IL1RL1: variants seen among roughly 807,000 people sequenced by gnomAD.
IL1RL1 encodes the protein interleukin-1 receptor-like 1.
IL1RL1 carries 32 observed loss-of-function variants against 50.9 expected under a neutral mutation model. The observed-to-expected ratio is 0.63, with a 90% CI of 0.47 to 0.84. IL1RL1 has a LOEUF of 0.84. IL1RL1 is among the 40% of genes least tolerant of loss of function. The pLI, the probability that IL1RL1 is intolerant of heterozygous loss-of-function variation, is 0.00. For missense variants in IL1RL1, 773 were observed against 662.9 expected (o/e 1.17, Z -1.82); for synonymous variants, 275 against 236.0 (o/e 1.17, Z -1.51).
chr2:102,342,988 C>G (rs770481705), intron 6 of IL1RL1, 48 bp from the exon 7 acceptor site: 1 of 1,576,706 alleles, frequency 6.3e-7, no homozygotes, highest in South Asian at 1.2e-5. Context: ...GATAAAATGC[C>G]AGTCGCAGAA....
intron 1 of IL1RL1, among the ~76,000 whole-genome samples, chr2:102,337,759 A>C (rs969651182): frequency 3.3e-5 from 5 of 151,718 alleles, no homozygotes; most frequent in South Asian, 2.1e-4. Context: ...CTGTGGTTTC[A>C]CATGATACAT....
intron 1 of IL1RL1, among the ~76,000 whole-genome samples, chr2:102,324,823 GA>G (rs923522671): frequency 1.3e-5 from 2 of 152,210 alleles, no homozygotes; most frequent in Non-Finnish European, 2.9e-5. Flanking sequence ...CACCATTGCT[GA>G]GGCTTGAGTG....
intron 10 of IL1RL1, among the ~76,000 whole-genome samples, chr2:102,350,908 C>G (rs942878125): frequency 6.6e-6 from 1 of 152,284 alleles, no homozygotes; most frequent in East Asian, 1.9e-4. Context: ...CTGGGTATTT[C>G]ATGTTCTTTC....
intron 1 of IL1RL1, among the ~76,000 whole-genome samples, chr2:102,320,620 A>G (rs901055850): frequency 1.3e-5 from 2 of 152,084 alleles, no homozygotes; most frequent in Admixed American, 1.3e-4. Flanking sequence ...TCTAAAACCT[A>G]TACCACCTGC....
intron 1 of IL1RL1, among the ~76,000 whole-genome samples, chr2:102,317,347 C>G (rs1676707465): frequency 6.6e-6 from 1 of 151,846 alleles, no homozygotes; most frequent in Admixed American, 6.6e-5. Flanking sequence ...GAGCCGGACT[C>G]TGTCTCAAAA....
At chr2:102,328,211 C>A (rs951890583) in intron 1 of IL1RL1, among the ~76,000 whole-genome samples, 1 of 152,150 alleles carries the variant, frequency 6.6e-6, no homozygotes, top group Non-Finnish European at 1.5e-5. Flanking sequence ...ATACACAAAT[C>A]GATAAACATA....
chr2:102,333,572 T>C (rs1677230126), intron 1 of IL1RL1, among the ~76,000 whole-genome samples: 1 of 152,208 alleles, frequency 6.6e-6, no homozygotes, highest in Non-Finnish European at 1.5e-5. Context: ...GTTCCTTGAA[T>C]ATATGATGGT....
intron 10 of IL1RL1, 115 bp from the exon 11 acceptor site, chr2:102,351,421 T>C: frequency 1.1e-6 from 1 of 919,392 alleles, no homozygotes; most frequent in South Asian, 1.8e-5. Flanking sequence ...AGTAAGTGAC[T>C]TGATGTCAGA....
intron 1 of IL1RL1, among the ~76,000 whole-genome samples, chr2:102,325,695 C>T (rs915629627): frequency 3.9e-5 from 6 of 152,146 alleles, no homozygotes; most frequent in African/African-American, 9.7e-5. Context: ...ACGAGAACTA[C>T]GTGATGAATG....
At chr2:102,340,857 T>G in intron 5 of IL1RL1, 29 bp downstream of exon 5, 1 of 1,518,354 alleles carries the variant, frequency 6.6e-7, no homozygotes, top group Non-Finnish European at 8.8e-7. Context: ...TGAGATAGAA[T>G]ACTACGTGAA....
rs368476440 is a variant in IL1RL1 at position 102,329,804 on chromosome 2, A to G, written c.-149-8312A>G. ...CCACAATGAGATACCATCTCACACC[A>G]GTTAGAATGGTGATTATTAAAAAGC... On this transcript the variant is annotated intron_variant, in intron 1 of 10. Transcript: ENST00000233954. 1.1e-4 allele frequency among the ~76,000 whole-genome samples: 17 copies of G among 152,334 alleles called. No individual in the cohort carries two copies. In the East Asian group the frequency reaches 1.5e-3, roughly 14 times the overall value.
intron 1 of IL1RL1, among the ~76,000 whole-genome samples, chr2:102,333,932 A>T (rs1408796493): frequency 6.6e-6 from 1 of 152,130 alleles, no homozygotes; most frequent in African/African-American, 2.4e-5. Context: ...TTTATGGCTG[A>T]ATAGTAATCC....
chr2:102,340,816 T>C lies in IL1RL1; in HGVS notation c.598T>C (p.Phe200Leu). 2 of 1,574,728 alleles carry C rather than the reference T, an allele frequency of 1.3e-6. No homozygotes were observed. The highest frequency in any genetic ancestry group is 8.6e-7 in the Non-Finnish European group (1 of 1,168,300). ...TTATAGTGTGACGGCGACCAGGTCC[T>C]TCACGGTCAAGGGTAAGCTACTGAC... ...ANYSVTATRS[F>L]TVKDEQGFSL... Residue 200 changes from phenylalanine (F) to leucine (L), a missense_variant, in exon 5 of 11, where the codon TTC (phenylalanine) becomes CTC (leucine). Phe to Leu is a conservative substitution (Grantham distance 22). Coordinates refer to ENST00000233954, the MANE Select transcript of IL1RL1 (RefSeq NM_016232.5).
intron 3 of IL1RL1, 146 bp downstream of exon 3, chr2:102,339,193 G>A: frequency 1.6e-6 from 1 of 624,082 alleles, no homozygotes; most frequent in South Asian, 2.0e-5. Flanking sequence ...AAGTGATTTG[G>A]ATAAACTTCT....
intron 5 of IL1RL1, chr2:102,341,101 C>A: frequency 4.9e-6 from 4 of 824,324 alleles, no homozygotes; most frequent in Non-Finnish European, 4.8e-6. Flanking sequence ...AAAGATAAAG[C>A]AATCTGAATG....
intron 10 of IL1RL1, among the ~76,000 whole-genome samples, chr2:102,350,337 C>T (rs1677893319): frequency 6.6e-6 from 1 of 152,244 alleles, no homozygotes; most frequent in Admixed American, 6.5e-5. Flanking sequence ...CACCTAAGTT[C>T]TAGTTACACT....
At chr2:102,336,687 T>TC in intron 1 of IL1RL1, among the ~76,000 whole-genome samples, 1 of 152,072 alleles carries the variant, frequency 6.6e-6, no homozygotes, top group Non-Finnish European at 1.5e-5. Context: ...CTAGAAAAGC[T>TC]CCTTTTTTTT....
At chr2:102,348,964 G>T in intron 9 of IL1RL1, 115 bp from the exon 10 acceptor site, 1 of 721,040 alleles carries the variant, frequency 1.4e-6, no homozygotes. Flanking sequence ...GAATATTTTG[G>T]AGGATGACAT....
At chr2:102,331,212 G>A (rs1313266180) in intron 1 of IL1RL1, among the ~76,000 whole-genome samples, 1 of 152,028 alleles carries the variant, frequency 6.6e-6, no homozygotes, top group African/African-American at 2.4e-5. Flanking sequence ...CCATGTCTTG[G>A]GTATTCCCAG....
Sources: allele counts gnomAD v4.1 joint callset (sites outside exome capture counted in the v4.1 genomes callset), GRCh38; gene constraint gnomAD v4.1.1; transcripts MANE v1.5; gene names NCBI Gene and HGNC (gene_info 2026-07-23, HGNC 2026-07-21).